Variants in CR1 observed in about 807,000 individuals in gnomAD.
CR1 encodes complement C3b/C4b receptor 1 (Knops blood group).
Under a neutral mutation model 187.3 loss-of-function variants are expected in CR1, and 116 were observed. The ratio of observed to expected loss-of-function variants is 0.62; its 90% CI spans 0.53 to 0.72. The LOEUF is 0.72. CR1 is among the 30% of genes least tolerant of loss of function. The pLI, the probability that CR1 is intolerant of heterozygous loss-of-function variation, is 0.00. For synonymous variants in CR1, 576 were observed against 747.1 expected, an observed-to-expected ratio of 0.77 and a Z score of 3.73; for missense variants, 1,731 against 2,110.7, an observed-to-expected ratio of 0.82 and a Z score of 3.52.
chr1:207,626,229 C>T (rs562860135), intron 45 of CR1, among the ~76,000 whole-genome samples: 13 of 152,294 alleles, frequency 8.5e-5, no homozygotes, highest in African/African-American at 3.1e-4. Flanking sequence ...ATAGTGAGTG[C>T]ATTTATCTAA....
intron 45 of CR1, among the ~76,000 whole-genome samples, chr1:207,623,560 G>A (rs1159036015): frequency 6.6e-6 from 1 of 151,078 alleles, no homozygotes; most frequent in African/African-American, 2.4e-5. Context: ...ACACCAGCCT[G>A]GGTGACAGAG....
intron 1 of CR1, 31 bp from the exon 2 acceptor site, chr1:207,505,873 A>G: frequency 6.3e-7 from 1 of 1,578,444 alleles, no homozygotes; most frequent in Non-Finnish European, 8.6e-7. Context: ...TTCTCCATTA[A>G]CTTTGATGCT....
At chr1:207,589,430 C>T (rs183247700) in intron 35 of CR1, among the ~76,000 whole-genome samples, 2,373 of 152,252 alleles carry the variant, frequency 0.016, 23 homozygotes, top group Non-Finnish European at 0.022. Context: ...ACAAAAAGGA[C>T]GTCCACATGA....
intron 4 of CR1, among the ~76,000 whole-genome samples, chr1:207,520,790 A>G (rs1659951989): frequency 6.6e-6 from 1 of 152,146 alleles, no homozygotes; most frequent in Non-Finnish European, 1.5e-5. Context: ...AGCTTCTGAC[A>G]ACAAATTCTT....
At chr1:207,631,465 A>C (rs1033098510) in intron 46 of CR1, among the ~76,000 whole-genome samples, 2 of 152,202 alleles carry the variant, frequency 1.3e-5, no homozygotes, top group African/African-American at 4.8e-5. Flanking sequence ...AGTATTTACT[A>C]TCTGGCCCTT....
chr1:207,496,433 A>G (rs1558206472), intron 1 of CR1, 45 bp downstream of exon 1: 2 of 1,555,338 alleles, frequency 1.3e-6, no homozygotes, highest in South Asian at 1.1e-5. Context: ...CGGACGAGGA[A>G]CCCGGGGCCC....
chr1:207,565,977 A>G (rs1205758874), intron 24 of CR1, 54 bp downstream of exon 24: 2 of 1,601,586 alleles, frequency 1.2e-6, no homozygotes, highest in Non-Finnish European at 1.7e-6. Flanking sequence ...TCTGTTCACT[A>G]TTTGTCCTAT....
At chr1:207,579,389 C>T (rs561918684) in intron 29 of CR1, among the ~76,000 whole-genome samples, 44 of 152,258 alleles carry the variant, frequency 2.9e-4, no homozygotes, top group African/African-American at 1.0e-3. Context: ...GATATAAAGA[C>T]GGATGTACTG....
At chr1:207,515,481 A>C (rs6692132) in intron 4 of CR1, among the ~76,000 whole-genome samples, 11 of 151,946 alleles carry the variant, frequency 7.2e-5, no homozygotes, top group African/African-American at 2.4e-4. Context: ...TTCCCAAAGA[A>C]ACCACTATTC....
intron 45 of CR1, 143 bp from the exon 46 acceptor site, chr1:207,630,374 T>C: frequency 1.8e-6 from 1 of 547,962 alleles, no homozygotes; most frequent in South Asian, 2.8e-5. Context: ...TTGGTTATGA[T>C]TTTCCTTTCA....
chr1:207,623,868 G>C (rs55837923), intron 45 of CR1, among the ~76,000 whole-genome samples: 3 of 147,120 alleles, frequency 2.0e-5, no homozygotes, highest in African/African-American at 7.6e-5. Flanking sequence ...ACTTTCCATT[G>C]GGTATTTTAA....
intron 1 of CR1, among the ~76,000 whole-genome samples, chr1:207,497,027 T>C (rs1659109794): frequency 6.6e-6 from 1 of 152,156 alleles, no homozygotes; most frequent in South Asian, 2.1e-4. Context: ...CTGCCCCGCA[T>C]GGAACTGTCC....
At chr1:207,613,267 T>C (rs1286958384) in intron 39 of CR1, among the ~76,000 whole-genome samples, 6 of 152,176 alleles carry the variant, frequency 3.9e-5, no homozygotes, top group Non-Finnish European at 7.3e-5. Context: ...ATTCTCTCTC[T>C]CAGCGTGGCT....
intron 4 of CR1, among the ~76,000 whole-genome samples, chr1:207,514,966 T>C (rs1326717706): frequency 6.8e-6 from 1 of 146,638 alleles, no homozygotes; most frequent in Non-Finnish European, 1.5e-5. Context: ...TGTAGACTTT[T>C]GGCTGAAGTA....
intron 5 of CR1, 150 bp downstream of exon 5, chr1:207,524,159 T>G: frequency 6.6e-7 from 1 of 1,525,768 alleles, no homozygotes; most frequent in Non-Finnish European, 8.9e-7. Flanking sequence ...TCAGAAGGTG[T>G]GTGTACATGC....
At chr1:207,617,503 ATATATGTGTGTG>A (rs1662147163) in intron 41 of CR1, among the ~76,000 whole-genome samples, 1 of 49,072 alleles carries the variant, frequency 2.0e-5, no homozygotes, top group Non-Finnish European at 4.4e-5. Context: ...ATATATATAT[ATATATGTGTGTG>A]TGTGTGTGTG....
At chr1:207,590,460 G>A (rs1661237835) in intron 35 of CR1, among the ~76,000 whole-genome samples, 1 of 152,168 alleles carries the variant, frequency 6.6e-6, no homozygotes, top group Non-Finnish European at 1.5e-5. Context: ...CCTGAAGGAA[G>A]CACTAAACAT....
chr1:207,506,919 T>C, intron 3 of CR1, 106 bp downstream of exon 3: 1 of 895,590 alleles, frequency 1.1e-6, no homozygotes, highest in Non-Finnish European at 1.7e-6. Context: ...TATTACCATC[T>C]GCTCTTTAAC....
Position 207,609,340 on chromosome 1 carries a change from A to C in CR1, c.5947A>C (p.Asn1983His). ...CATATCCAATGGAGACTTCTACAGC[A>C]ACAATAGAACATCTTTTCACAATGG... Reference protein sequence around the residue: ...PTISNGDFYSNNRTSFHNGTV... With the variant: ...PTISNGDFYSHNRTSFHNGTV... The change falls in exon 37 of 47, where the codon AAC becomes CAC. Residue 1983 changes from asparagine to histidine, a missense_variant. Asn to His is a moderately conservative substitution (Grantham distance 68). Around this residue, in one of 5 missense-constraint regions of CR1, gnomAD observed 1,312 missense variants for 1,379.6 expected, o/e 0.95. Coordinates refer to ENST00000367049, the MANE Select transcript of CR1 (RefSeq NM_000651.6). 1.9e-6 allele frequency: 3 copies of C among 1,614,000 alleles called. No individual in the cohort carries two copies. The highest frequency in any genetic ancestry group is 2.5e-6 in the Non-Finnish European group (3 of 1,179,866).
Sources: allele counts gnomAD v4.1 joint callset (sites outside exome capture counted in the v4.1 genomes callset), GRCh38; gene constraint gnomAD v4.1.1; regional missense constraint gnomAD v4.1.1; transcripts MANE v1.5; gene names NCBI Gene and HGNC (gene_info 2026-07-23, HGNC 2026-07-21).